The following KAZN variants were observed in gnomAD, a reference collection of about 807,000 sequenced individuals.
KAZN encodes the protein kazrin, periplakin interacting protein.
KAZN carries 40 observed loss-of-function variants against 87.4 expected under a neutral mutation model. The ratio of observed to expected loss-of-function variants is 0.46; its 90% CI spans 0.36 to 0.60. The LOEUF is 0.60. Among genes scored for constraint, KAZN ranks in the 20% least tolerant of loss-of-function variants. The pLI, the probability that KAZN is intolerant of heterozygous loss-of-function variation, is 0.00. For synonymous variants in KAZN, 466 were observed against 458.3 expected (o/e 1.02, Z -0.22); for missense variants, 898 against 1,073.9 (o/e 0.84, Z 2.29).
intron 2 of KAZN, among the ~76,000 whole-genome samples, chr1:14,390,261 C>CT (rs1318212683): frequency 3.9e-5 from 6 of 152,104 alleles, no homozygotes; most frequent in Non-Finnish European, 8.8e-5. Context: ...AAAACAGGCT[C>CT]TTGTACATCT....
intron 1 of KAZN, among the ~76,000 whole-genome samples, chr1:13,968,270 G>A (rs1642014667): frequency 6.6e-6 from 1 of 152,136 alleles, no homozygotes; most frequent in African/African-American, 2.4e-5. Flanking sequence ...CCAACTGAAA[G>A]GGTGATTTAA....
intron 1 of KAZN, among the ~76,000 whole-genome samples, chr1:14,638,467 G>A (rs1212830851): frequency 1.3e-5 from 2 of 151,900 alleles, no homozygotes; most frequent in African/African-American, 4.8e-5. Flanking sequence ...TACTCGGGAG[G>A]CTGAGGTAGG....
At chr1:14,943,473 C>G (rs934597189) in intron 1 of KAZN, among the ~76,000 whole-genome samples, 2 of 152,154 alleles carry the variant, frequency 1.3e-5, no homozygotes, top group Non-Finnish European at 2.9e-5. Flanking sequence ...TGCTTCCTGG[C>G]AAGGGCTGGT....
chr1:15,074,292 G>A (rs146191433), intron 8 of KAZN, among the ~76,000 whole-genome samples: 2 of 152,202 alleles, frequency 1.3e-5, no homozygotes, highest in Non-Finnish European at 1.5e-5. Flanking sequence ...CAGTGTATTC[G>A]GCTTGTTGAA....
At chr1:13,988,865 G>T (rs1366939963) in intron 1 of KAZN, among the ~76,000 whole-genome samples, 1 of 152,166 alleles carries the variant, frequency 6.6e-6, no homozygotes, top group Non-Finnish European at 1.5e-5. Flanking sequence ...AAAACATTTT[G>T]CAGACAATCT....
intron 1 of KAZN, among the ~76,000 whole-genome samples, chr1:13,982,024 A>G (rs1638743516): frequency 6.6e-6 from 1 of 152,176 alleles, no homozygotes; most frequent in Non-Finnish European, 1.5e-5. Flanking sequence ...TTCCCACTTC[A>G]ATGTTGATTC....
intron 1 of KAZN, among the ~76,000 whole-genome samples, chr1:14,620,744 C>T (rs1041856979): frequency 6.6e-6 from 1 of 152,180 alleles, no homozygotes; most frequent in South Asian, 2.1e-4. Flanking sequence ...CTGTGAGTGA[C>T]CTTGAGTGAA....
At chr1:14,967,051 G>A (rs555993093) in intron 2 of KAZN, among the ~76,000 whole-genome samples, 1 of 152,310 alleles carries the variant, frequency 6.6e-6, no homozygotes, top group Admixed American at 6.5e-5. Context: ...AGGGACACCT[G>A]ATGTTGAGGC....
intron 1 of KAZN, among the ~76,000 whole-genome samples, chr1:13,950,627 C>CA (rs113272039): frequency 0.15 from 22,223 of 152,122 alleles, 2,056 homozygotes; most frequent in African/African-American, 0.26. Flanking sequence ...AAGGCAGCGT[C>CA]GGACTGCAGG....
At chr1:13,956,836 G>A (rs1178583729) in intron 1 of KAZN, among the ~76,000 whole-genome samples, 2 of 152,198 alleles carry the variant, frequency 1.3e-5, no homozygotes, top group Non-Finnish European at 2.9e-5. Flanking sequence ...TTTTTAGATA[G>A]ATGAGTAAAT....
rs1468948082 is a variant in KAZN at position 13,918,001 on chromosome 1, A to G, written c.91+24245A>G. Among the ~76,000 whole-genome samples, 4 of 152,202 alleles carry G rather than the reference A, an allele frequency of 2.6e-5. No individual in the cohort carries two copies. The East Asian group carries it at 5.8e-4, about 22-fold the overall frequency. ...CATAGACAATGCACCTGGTCATCCA[A>G]GAGCTCTGATGAAGATGTACAGGGA... On this transcript the variant is annotated intron_variant, in intron 1 of 16. Transcript: ENST00000636203.
chr1:14,386,969 G>C (rs1661965064), intron 2 of KAZN, among the ~76,000 whole-genome samples: 2 of 152,098 alleles, frequency 1.3e-5, no homozygotes, highest in East Asian at 3.9e-4. Context: ...CATAGATTTG[G>C]TCTTTTCACA....
chr1:14,212,319 C>G (rs1210624807), intron 2 of KAZN, among the ~76,000 whole-genome samples: 2 of 152,066 alleles, frequency 1.3e-5, no homozygotes, highest in Non-Finnish European at 2.9e-5. Context: ...CTGTTTCTTT[C>G]CTTCAAGGCA....
chr1:13,909,010 T>G (rs1639551511), intron 1 of KAZN, among the ~76,000 whole-genome samples: 1 of 152,184 alleles, frequency 6.6e-6, no homozygotes, highest in African/African-American at 2.4e-5. Context: ...TCCTCGCTTC[T>G]TGGTACACGC....
At chr1:15,001,870 C>CT (rs34948148) in intron 2 of KAZN, among the ~76,000 whole-genome samples, 1,445 of 57,778 alleles carry the variant, frequency 0.025, 154 homozygotes, top group Non-Finnish European at 0.03. Context: ...AAGTCAAAAT[C>CT]TTTTTTTTTT....
chr1:14,317,629 T>C (rs970999471), intron 2 of KAZN, among the ~76,000 whole-genome samples: 1 of 151,932 alleles, frequency 6.6e-6, no homozygotes, highest in African/African-American at 2.4e-5. Flanking sequence ...TTCAGAATAT[T>C]TGAGTATTTC....
intron 2 of KAZN, among the ~76,000 whole-genome samples, chr1:14,365,306 T>TA (rs1659883530): frequency 6.7e-6 from 1 of 149,536 alleles, no homozygotes; most frequent in Admixed American, 6.7e-5. Flanking sequence ...CTCGGCCTCC[T>TA]AAAGTGCTGG....
intron 2 of KAZN, among the ~76,000 whole-genome samples, chr1:14,214,034 GC>G (rs1557565451): frequency 6.6e-6 from 1 of 152,190 alleles, no homozygotes; most frequent in African/African-American, 2.4e-5. Context: ...ATTTGGAAAT[GC>G]CAAGTTTGAG....
In KAZN at chr1:14,340,596, C is replaced by T. The variant is rs76327703; in HGVS notation, c.249+160004C>T. The stretch of plus-strand genomic sequence containing the variant: ...GCTATGCATTGTCACAGAGACACCT[C>T]TGCAGGTTATCTGACTCTAATCTTA... On this transcript the variant is annotated intron_variant, in intron 2 of 16. Transcript: ENST00000636203. Among the ~76,000 whole-genome samples, 1,238 of 152,300 alleles carry T rather than the reference C, an allele frequency of 8.1e-3. 12 individuals carry two copies. Among genetic ancestry groups the T allele is most frequent in the African/African-American group, 0.028 (1,147 of 41,564 alleles).
Sources: allele counts gnomAD v4.1 joint callset (sites outside exome capture counted in the v4.1 genomes callset), GRCh38; gene constraint gnomAD v4.1.1; transcripts MANE v1.5; gene names NCBI Gene and HGNC (gene_info 2026-07-23, HGNC 2026-07-21).